ZNF722: variants seen among roughly 807,000 people sequenced by gnomAD.
ZNF722 encodes the protein zinc finger protein 722, also known as zinc finger protein 479 pseudogene.
At chr7:64,001,693 A>T in the ZNF722 span, among the ~76,000 whole-genome samples, 2 of 151,946 alleles carry the variant, frequency 1.3e-5, no homozygotes, top group Non-Finnish European at 2.9e-5. Context: ...ACAAATTTAT[A>T]CTCTCACTTG....
At chr7:64,004,425 A>AATATATATATATATATATAT in the ZNF722 span, among the ~76,000 whole-genome samples, 5 of 61,100 alleles carry the variant, frequency 8.2e-5, no homozygotes, top group African/African-American at 4.0e-4. Context: ...AAAAAAAAAA[A>AATATATATATATATATATAT]ATATATATAT....
chr7:64,011,224 T>A, the ZNF722 span, among the ~76,000 whole-genome samples: 45 of 152,326 alleles, frequency 3.0e-4, 1 homozygote, highest in South Asian at 9.1e-3. Context: ...GTGTGTCTTT[T>A]AATTGGGGCA....
the ZNF722 span, chr7:64,016,121 A>G: frequency 2.1e-6 from 1 of 482,742 alleles, no homozygotes; most frequent in Non-Finnish European, 3.6e-6. Context: ...AACCTTAATG[A>G]ACCCAAGAGA....
the ZNF722 span, among the ~76,000 whole-genome samples, chr7:64,008,835 A>C: frequency 6.6e-5 from 10 of 152,206 alleles, 1 homozygote. Context: ...TACCTTGGGC[A>C]GTATGGCCAT....
At chr7:64,017,325 A>G in the ZNF722 span, among the ~76,000 whole-genome samples, 1 of 141,274 alleles carries the variant, frequency 7.1e-6, no homozygotes, top group Non-Finnish European at 1.5e-5. Flanking sequence ...TGGAGGTTGC[A>G]GTGAGCCAAC....
the ZNF722 span, among the ~76,000 whole-genome samples, chr7:64,006,873 C>G: frequency 4.6e-5 from 7 of 151,308 alleles, no homozygotes; most frequent in South Asian, 1.0e-3. Flanking sequence ...ATGATACTTG[C>G]TGTGGGGGGA....
the ZNF722 span, among the ~76,000 whole-genome samples, chr7:63,999,378 A>C: frequency 6.6e-6 from 1 of 152,144 alleles, no homozygotes; most frequent in East Asian, 1.9e-4. Context: ...TCCCTAGTTC[A>C]CCATTTTTCC....
the ZNF722 span, among the ~76,000 whole-genome samples, chr7:64,009,035 GCTCT>G: frequency 1.3e-5 from 2 of 152,052 alleles, no homozygotes; most frequent in South Asian, 2.1e-4. Context: ...TCATGATTTG[GCTCT>G]CTGTTTGTCT....
At chr7:64,005,474 A>C in the ZNF722 span, 1 of 520,748 alleles carries the variant, frequency 1.9e-6, no homozygotes, top group Non-Finnish European at 3.4e-6. Context: ...CTTATCGAAT[A>C]ATTTTAGTCA....
At chr7:64,015,251 T>C in the ZNF722 span, 2 of 1,198,792 alleles carry the variant, frequency 1.7e-6, no homozygotes, top group Admixed American at 3.4e-5. Context: ...CTCATAAGTG[T>C]GTCATAGTCT....
At chr7:64,006,171 G>A in the ZNF722 span, 9 of 972,142 alleles carry the variant, frequency 9.3e-6, no homozygotes, top group African/African-American at 1.7e-5. Flanking sequence ...TACTAGTTTG[G>A]TAATTAAAGA....
chr7:64,004,455 T>A, the ZNF722 span, among the ~76,000 whole-genome samples: 40 of 132,588 alleles, frequency 3.0e-4, no homozygotes, highest in South Asian at 7.3e-4. Flanking sequence ...TATATATATA[T>A]AAAATTAAAT....
At chr7:64,004,199 G>A in the ZNF722 span, among the ~76,000 whole-genome samples, 11,766 of 150,032 alleles carry the variant, frequency 0.078, 702 homozygotes, top group African/African-American at 0.16. Flanking sequence ...TCAGGAGTTC[G>A]AGGCCAGACT....
At chr7:64,005,323 A>T in the ZNF722 span, among the ~76,000 whole-genome samples, 3 of 152,146 alleles carry the variant, frequency 2.0e-5, no homozygotes, top group African/African-American at 7.2e-5. Flanking sequence ...AAAGAAAAAT[A>T]GAAAAAAAAG....
the ZNF722 span, chr7:64,015,346 T>G: frequency 2.1e-6 from 3 of 1,419,822 alleles, no homozygotes; most frequent in African/African-American, 2.8e-5. Context: ...GGCAAATCGT[T>G]TTGCATGCCT....
At chr7:64,015,646 A>G in the ZNF722 span, 1 of 1,613,946 alleles carries the variant, frequency 6.2e-7, no homozygotes, top group Non-Finnish European at 8.5e-7. Flanking sequence ...CATACTGGAG[A>G]GAGACCCTAC....
chr7:64,015,683 T>C, the ZNF722 span: 1 of 1,613,884 alleles, frequency 6.2e-7, no homozygotes, highest in South Asian at 1.1e-5. Flanking sequence ...GCAAAGCCTT[T>C]AGCGTATCCT....
the ZNF722 span, among the ~76,000 whole-genome samples, chr7:64,002,752 A>G: frequency 6.6e-6 from 1 of 152,194 alleles, no homozygotes; most frequent in Non-Finnish European, 1.5e-5. Context: ...TTTTTTTAGT[A>G]CATGCATACA....
the ZNF722 span, among the ~76,000 whole-genome samples, chr7:64,003,830 T>C: frequency 5.3e-5 from 8 of 152,270 alleles, no homozygotes; most frequent in East Asian, 1.5e-3. Context: ...AAGATTTCTA[T>C]TGGGGAAACA....
Sources: gnomAD v4.1 joint callset for allele counts (sites outside exome capture counted in the v4.1 genomes callset) on GRCh38, gnomAD v4.1.1 for gene constraint, MANE v1.5 for transcripts, NCBI Gene and HGNC (gene_info 2026-07-23, HGNC 2026-07-21) for gene names.